Variants in DBNDD1 observed in about 807,000 individuals in gnomAD.
DBNDD1 encodes dysbindin domain containing 1, also known as dysbindin domain-containing protein 1.
DBNDD1 carries 14 observed loss-of-function variants against 17.0 expected under a neutral mutation model. The observed-to-expected ratio is 0.82, with a 90% confidence interval of 0.54 to 1.29. The LOEUF (loss-of-function observed/expected upper bound fraction) is 1.29. DBNDD1 is among the 50% of genes most tolerant of loss of function. DBNDD1 has a pLI of 0.00. For synonymous variants in DBNDD1, 105 were observed against 102.0 expected (o/e 1.03, Z -0.18); for missense variants, 221 against 216.2 (o/e 1.02, Z -0.14).
Position 90,018,251 on chromosome 16 carries a change from A to G in DBNDD1, c.31+1060T>C, listed in dbSNP as rs563182528. On this transcript the variant is annotated intron_variant, in intron 1 of 3. Coordinates refer to ENST00000002501, the MANE Select transcript of DBNDD1 (RefSeq NM_001042610.3). The stretch of plus-strand genomic sequence containing the variant: ...GAGCCTGGGACTATCAGTGTTAAGA[A>G]AGAGCTCTGGTCCCTCCCACAAATG... Among the ~76,000 whole-genome samples, 23 of 152,340 alleles carry G rather than the reference A, an allele frequency of 1.5e-4. No individual in the cohort carries two copies. In the East Asian group the frequency reaches 1.5e-3, roughly 10 times the overall value.
chr16:90,008,747 G>C (rs34109541), intron 3 of DBNDD1, 37 bp downstream of exon 3: 23 of 1,571,360 alleles, frequency 1.5e-5, no homozygotes, highest in East Asian at 1.1e-4. Flanking sequence ...CAGCCCACCA[G>C]GCACACCTCC....
chr16:90,018,346 G>A (rs1173052047), intron 1 of DBNDD1, among the ~76,000 whole-genome samples: 1 of 152,258 alleles, frequency 6.6e-6, no homozygotes, highest in Non-Finnish European at 1.5e-5. Context: ...GATACACAGG[G>A]TGGGTGGACC....
chr16:90,006,434 C>T lies in DBNDD1; in HGVS notation c.378G>A (p.Arg126=), dbSNP rs751107966. 6.2e-7 allele frequency: 1 copy of T among 1,602,762 alleles called. No homozygotes were observed. The highest frequency in any genetic ancestry group is 8.5e-7 in the Non-Finnish European group (1 of 1,179,816). Residue 126 remains arginine, a synonymous_variant, in exon 4 of 4, where the codon AGG becomes AGA. Transcript: ENST00000002501. ...GCTGCTTCTCGTGGCTCTGCTCAGC[C>T]CTTGTCCTCGTCCAGGAAGGGGAGC... is the stretch of plus-strand genomic sequence containing the variant. ...YLRSPSWTRT[R]AEQSHEKQPL...
In DBNDD1 at chr16:90,006,466, A is replaced by G. The variant is rs1449378374; in HGVS notation, c.346T>C (p.Tyr116His). The G allele has an allele frequency of 6.3e-7, 1 of 1,599,658 alleles. No homozygotes were observed. The highest frequency in any genetic ancestry group is 8.5e-7 in the Non-Finnish European group (1 of 1,179,746). ...AGLHPLPRAG[Y>H]LRSPSWTRTR... ...CTCGTCCAGGAAGGGGAGCGCAGGT[A>G]GCCGGCCCGGGGCAGCGGGTGCAGA... The change falls in exon 4 of 4, where the codon TAC (tyrosine) becomes CAC (histidine). Residue 116 changes from tyrosine to histidine, a missense_variant. Physicochemically the swap from Tyr to His is moderately conservative, Grantham distance 83. Coordinates refer to ENST00000002501, the MANE Select transcript of DBNDD1 (RefSeq NM_001042610.3).
chr16:90,013,262 T>TAAAAAACAAAAAAAAAAA (rs2035586562), intron 1 of DBNDD1, among the ~76,000 whole-genome samples: 1 of 49,182 alleles, frequency 2.0e-5, no homozygotes, highest in African/African-American at 7.0e-5. Context: ...AACCTTGCCT[T>TAAAAAACAAAAAAAAAAA]AAAAAAAAAA....
At chr16:90,014,879 C>T (rs964281953) in intron 1 of DBNDD1, among the ~76,000 whole-genome samples, 1 of 151,994 alleles carries the variant, frequency 6.6e-6, no homozygotes, top group Non-Finnish European at 1.5e-5. Context: ...GTGGTACGTG[C>T]CTGTAGTCCC....
intron 1 of DBNDD1, among the ~76,000 whole-genome samples, chr16:90,017,609 G>A (rs2035662318): frequency 1.3e-5 from 2 of 152,218 alleles, no homozygotes; most frequent in Admixed American, 1.3e-4. Flanking sequence ...GTCTGGAGAG[G>A]AGGCTGTGGG....
At chr16:90,009,211 A>G (rs2151261097) in intron 2 of DBNDD1, 73 bp downstream of exon 2, 1 of 1,587,110 alleles carries the variant, frequency 6.3e-7, no homozygotes, top group African/African-American at 1.4e-5. Context: ...CAGGAGGTGG[A>G]CCCTGCTGCC....
rs1174587976 is a variant in DBNDD1 at position 90,019,280 on chromosome 16, C to T, written c.31+31G>A. The T allele has an allele frequency of 4.4e-6, 5 of 1,141,488 alleles. No individual in the cohort carries two copies. Among genetic ancestry groups the T allele is most frequent in the Non-Finnish European group, 5.5e-6 (5 of 914,242 alleles). The allele number at this position is 1,141,488 out of a possible 1,614,324, so 70.7% of individuals were successfully genotyped here. A position where few individuals can be genotyped will look rare whatever the true frequency, so the allele number is the denominator to read the frequency against. ...CGGCTCGCTGCGGGGAAGCGCTGCG[C>T]GGGGGTCTCGGGGGCTGGGGCTGAA... is the stretch of plus-strand genomic sequence containing the variant. On this transcript the variant is annotated intron_variant, in intron 1 of 3. Coordinates refer to ENST00000002501, the MANE Select transcript of DBNDD1 (RefSeq NM_001042610.3). This position sits in a 1 kb window ranked among gnomAD's most constrained non-coding sequence, Gnocchi z 6.1.
In DBNDD1 at chr16:90,006,285, C is replaced by T. The variant is rs779639533; in HGVS notation, c.*50G>A. On this transcript the variant is annotated 3_prime_UTR_variant, in exon 4 of 4. Coordinates refer to ENST00000002501, the MANE Select transcript of DBNDD1 (RefSeq NM_001042610.3). ...CTGGGTCAGCACTGCCCAGATCTGCCATCGTGTTCGGACCCCATCCCTGCA... is the reference window on the plus strand; with the variant it reads ...CTGGGTCAGCACTGCCCAGATCTGCTATCGTGTTCGGACCCCATCCCTGCA... The T allele has an allele frequency of 3.9e-6, 6 of 1,557,572 alleles. No individual in the cohort carries two copies. The highest frequency in any genetic ancestry group is 5.2e-6 in the Non-Finnish European group (6 of 1,150,052).
In DBNDD1 at chr16:90,006,428, C is replaced by T. The variant is rs367727962; in HGVS notation, c.384G>A (p.Glu128=). The stretch of plus-strand genomic sequence containing the variant: ...CTAGGGGCTGCTTCTCGTGGCTCTG[C>T]TCAGCCCTTGTCCTCGTCCAGGAAG... ...RSPSWTRTRA[E]QSHEKQPLGD... is the part of the protein sequence containing the mutation. Residue 128 remains glutamate, a synonymous_variant, in exon 4 of 4, where the codon GAG becomes GAA. Coordinates refer to ENST00000002501, the MANE Select transcript of DBNDD1 (RefSeq NM_001042610.3). 3.7e-5 allele frequency: 59 copies of T among 1,603,492 alleles called. No homozygotes were observed. The highest frequency in any genetic ancestry group is 4.6e-5 in the Non-Finnish European group (54 of 1,179,836).
intron 1 of DBNDD1, chr16:90,009,920 C>A: frequency 6.3e-7 from 1 of 1,594,040 alleles, no homozygotes. Context: ...TATTTGAGTT[C>A]AGAATAATAC....
At chr16:90,015,574 G>A (rs913962858) in intron 1 of DBNDD1, among the ~76,000 whole-genome samples, 9 of 152,276 alleles carry the variant, frequency 5.9e-5, no homozygotes, top group Non-Finnish European at 8.8e-5. Flanking sequence ...TGTTCATAGC[G>A]TGATTCACAG....
intron 1 of DBNDD1, among the ~76,000 whole-genome samples, chr16:90,013,996 G>T (rs1216366605): frequency 2.0e-5 from 3 of 152,154 alleles, no homozygotes; most frequent in African/African-American, 7.2e-5. Flanking sequence ...TGTGAGGCAG[G>T]GCAGGGGTGG....
Position 90,009,377 on chromosome 16 carries a change from C to G in DBNDD1, c.85G>C (p.Gly29Arg). The G allele has an allele frequency of 1.2e-6, 2 of 1,613,376 alleles. No individual in the cohort carries two copies. The highest frequency in any genetic ancestry group is 1.7e-6 in the Non-Finnish European group (2 of 1,180,016). Residue 29 changes from glycine (G) to arginine (R), a missense_variant, in exon 2 of 4, where the codon GGG (glycine) becomes CGG (arginine). By Grantham distance (125) the Gly-to-Arg change is moderately radical. Coordinates refer to ENST00000002501, the MANE Select transcript of DBNDD1 (RefSeq NM_001042610.3). ...GGCGTGTGGCCATTGTCCCCTGTCCCCTGGGCTGGGACGCCCAGCGCAGCC... is the reference window on the plus strand; with the variant it reads ...GGCGTGTGGCCATTGTCCCCTGTCCGCTGGGCTGGGACGCCCAGCGCAGCC... ...PQAALGVPAQGTGDNGHTPVE... is the reference protein window; with the variant it reads ...PQAALGVPAQRTGDNGHTPVE...
chr16:90,014,366 C>A (rs1459883764), intron 1 of DBNDD1, among the ~76,000 whole-genome samples: 1 of 152,046 alleles, frequency 6.6e-6, no homozygotes, highest in Non-Finnish European at 1.5e-5. Context: ...ACCTCATGAT[C>A]CGCCCGCCTT....
rs1188156055 is a variant in DBNDD1 at position 90,006,462 on chromosome 16, A to G, written c.350T>C (p.Leu117Pro). 6.2e-7 allele frequency: 1 copy of G among 1,600,074 alleles called. No individual in the cohort carries two copies. Among genetic ancestry groups the G allele is most frequent in the Admixed American group, 1.7e-5 (1 of 60,002 alleles). The change falls in exon 4 of 4, where the codon CTG becomes CCG. Residue 117 changes from leucine to proline, a missense_variant. Leu to Pro is a moderately conservative substitution (Grantham distance 98). Transcript: ENST00000002501. ...GLHPLPRAGY[L>P]RSPSWTRTRA... ...TGTCCTCGTCCAGGAAGGGGAGCGC[A>G]GGTAGCCGGCCCGGGGCAGCGGGTG... is the stretch of plus-strand genomic sequence containing the variant.
intron 1 of DBNDD1, among the ~76,000 whole-genome samples, chr16:90,014,347 G>A (rs1441862902): frequency 6.6e-6 from 1 of 152,020 alleles, no homozygotes; most frequent in Non-Finnish European, 1.5e-5. Context: ...GGCTGGTCTT[G>A]AACTCCTGAC....
upstream of DBNDD1, chr16:90,019,527 G>T (rs1172706841): frequency 1.9e-5 from 3 of 154,146 alleles, no homozygotes; most frequent in Non-Finnish European, 4.1e-5. This position sits in a 1 kb window ranked among gnomAD's most constrained non-coding sequence, Gnocchi z 6.1. Context: ...CCCGGGCCCC[G>T]GCCCCCTCCC....
Sources: gnomAD v4.1 joint callset for allele counts (sites outside exome capture counted in the v4.1 genomes callset) on GRCh38, gnomAD v4.1.1 for gene constraint, Gnocchi (gnomAD v3.1) non-coding constraint, MANE v1.5 for transcripts, NCBI Gene and HGNC (gene_info 2026-07-23, HGNC 2026-07-21) for gene names.